The following CD99L2 variants were observed in gnomAD, a reference collection of about 807,000 sequenced individuals.
CD99L2 encodes CD99 molecule like 2, also known as CD99 antigen-like protein 2.
A neutral mutation model predicts 27.3 loss-of-function variants in CD99L2; 24 were observed. The ratio of observed to expected loss-of-function variants is 0.88; its 90% confidence interval spans 0.64 to 1.24. CD99L2 has a LOEUF of 1.24. Ranked by LOEUF, CD99L2 falls within the 50% of genes most tolerant of loss-of-function variation. CD99L2 has a pLI of 0.00. For synonymous variants in CD99L2, 97 were observed against 87.9 expected (o/e 1.10, Z -0.58); for missense variants, 255 against 221.6 (o/e 1.15, Z -0.96).
chrX:150,883,496 T>C (rs1441798869), intron 1 of CD99L2, among the ~76,000 whole-genome samples: 1 of 110,913 alleles, frequency 9.0e-6, no homozygotes, highest in East Asian at 2.8e-4. Context: ...CCTCCCAAAT[T>C]CCACCCCCAG....
At chrX:150,771,205 C>T (rs2043448278) in intron 9 of CD99L2, among the ~76,000 whole-genome samples, 1 of 112,560 alleles carries the variant, frequency 8.9e-6, no homozygotes, top group East Asian at 2.8e-4. Flanking sequence ...GACCAGGCAC[C>T]AGTGCAAGTC....
intron 1 of CD99L2, among the ~76,000 whole-genome samples, chrX:150,898,137 T>G (rs1355818784): frequency 1.0e-5 from 1 of 99,174 alleles, no homozygotes; most frequent in African/African-American, 3.6e-5. Context: ...GTTCCCCAGG[T>G]GCTTCTGCTG....
chrX:150,883,375 G>A (rs1179672330), intron 1 of CD99L2, among the ~76,000 whole-genome samples: 2 of 111,245 alleles, frequency 1.8e-5, no homozygotes, highest in African/African-American at 6.5e-5. Context: ...GGGGGCTGAA[G>A]AGCAGGCCCA....
At chrX:150,775,908 C>T (rs1249936988) in intron 9 of CD99L2, among the ~76,000 whole-genome samples, 1 of 112,472 alleles carries the variant, frequency 8.9e-6, no homozygotes, top group Non-Finnish European at 1.9e-5. Context: ...TCTGTCCCCA[C>T]AGAAATACCC....
chrX:150,824,818 T>C (rs1270341143), intron 2 of CD99L2, among the ~76,000 whole-genome samples: 1 of 111,523 alleles, frequency 9.0e-6, no homozygotes, highest in Non-Finnish European at 1.9e-5. Context: ...AGCAAGGGGG[T>C]TGTTGCAGTT....
At chrX:150,799,470 T>C (rs1444892716) in intron 4 of CD99L2, among the ~76,000 whole-genome samples, 6 of 104,452 alleles carry the variant, frequency 5.7e-5, no homozygotes, top group Non-Finnish European at 7.8e-5. Flanking sequence ...GCTGAGATCA[T>C]ACCACTGCAC....
chrX:150,886,091 G>GA (rs1603320842), intron 1 of CD99L2, among the ~76,000 whole-genome samples: 2 of 111,796 alleles, frequency 1.8e-5, no homozygotes, highest in Admixed American at 1.9e-4. Context: ...CTGTAGAGAA[G>GA]AAAAAAATAG....
intron 7 of CD99L2, among the ~76,000 whole-genome samples, chrX:150,789,075 T>C (rs1349615915): frequency 9.0e-6 from 1 of 110,992 alleles, no homozygotes; most frequent in East Asian, 2.8e-4. Flanking sequence ...TTACCCATTT[T>C]AAAATTGGGG....
At chrX:150,834,578 A>G (rs1356418781) in intron 1 of CD99L2, among the ~76,000 whole-genome samples, 1 of 112,584 alleles carries the variant, frequency 8.9e-6, no homozygotes, top group African/African-American at 3.2e-5. Flanking sequence ...AAGACAAATG[A>G]TATTTGTTGG....
chrX:150,880,673 A>T (rs958042750), intron 1 of CD99L2, among the ~76,000 whole-genome samples: 4 of 111,784 alleles, frequency 3.6e-5, no homozygotes, highest in Admixed American at 9.5e-5. Flanking sequence ...TGTGTATTTT[A>T]ACAGGTAAAT....
chrX:150,785,332 T>C (rs1463105429), intron 7 of CD99L2, among the ~76,000 whole-genome samples: 1 of 111,397 alleles, frequency 9.0e-6, no homozygotes, highest in Non-Finnish European at 1.9e-5. Flanking sequence ...AACACCCAAA[T>C]TCCCAGCACG....
At chrX:150,771,726 G>T in intron 9 of CD99L2, 1 of 1,061,617 alleles carries the variant, frequency 9.4e-7, no homozygotes, top group East Asian at 3.3e-5. Flanking sequence ...GAGCGGCAAG[G>T]AAGCGCCAGA....
intron 7 of CD99L2, among the ~76,000 whole-genome samples, chrX:150,778,673 TA>T (rs1195688468): frequency 0.02 from 1,364 of 67,853 alleles, 32 homozygotes; most frequent in Admixed American, 0.052. Context: ...TAAAGTATAA[TA>T]AAAAAAAAAA....
At chrX:150,887,048 C>G (rs67847505) in intron 1 of CD99L2, among the ~76,000 whole-genome samples, 23,429 of 107,697 alleles carry the variant, frequency 0.22, 2,245 homozygotes, top group African/African-American at 0.36. Flanking sequence ...GGGAGGCTGA[C>G]GTGGGAAGAT....
chrX:150,877,721 C>T (rs144594897), intron 1 of CD99L2, among the ~76,000 whole-genome samples: 2,816 of 109,270 alleles, frequency 0.026, 99 homozygotes, highest in African/African-American at 0.09. Context: ...CAGGAGGCTA[C>T]GGCAGAAGAA....
intron 9 of CD99L2, among the ~76,000 whole-genome samples, chrX:150,774,561 C>T (rs1312617680): frequency 8.9e-6 from 1 of 111,999 alleles, no homozygotes; most frequent in Admixed American, 9.4e-5. Flanking sequence ...GCCTTGGGGC[C>T]TCTTGAACAG....
intron 2 of CD99L2, among the ~76,000 whole-genome samples, chrX:150,821,463 T>C (rs73609563): frequency 0.28 from 30,576 of 110,675 alleles, 3,309 homozygotes; most frequent in African/African-American, 0.38. Context: ...TAACCATATG[T>C]TAACAAAACT....
chrX:150,815,202 C>T (rs782224638), intron 3 of CD99L2, among the ~76,000 whole-genome samples: 1 of 112,060 alleles, frequency 8.9e-6, no homozygotes, highest in South Asian at 3.7e-4. Context: ...TCTGCTTAGG[C>T]TAGCAGTCGG....
intron 1 of CD99L2, among the ~76,000 whole-genome samples, chrX:150,895,859 G>T (rs1001624025): frequency 9.2e-6 from 1 of 108,574 alleles, no homozygotes; most frequent in Middle Eastern, 4.3e-3. Context: ...AACTCTGTCT[G>T]TACTAAAAAT....
Sources: gnomAD v4.1 joint callset for allele counts (sites outside exome capture counted in the v4.1 genomes callset) on GRCh38, gnomAD v4.1.1 for gene constraint, MANE v1.5 for transcripts, NCBI Gene and HGNC (gene_info 2026-07-23, HGNC 2026-07-21) for gene names.